HHAT: variants seen among roughly 807,000 people sequenced by gnomAD.
HHAT encodes the protein protein-cysteine N-palmitoyltransferase HHAT.
HHAT carries 47 observed loss-of-function variants against 70.8 expected under a neutral mutation model. The observed-to-expected ratio is 0.66, with a 90% CI of 0.53 to 0.85. The LOEUF (loss-of-function observed/expected upper bound fraction) is 0.85, where lower values mean the gene tolerates loss of function less well. Ranked by LOEUF, HHAT falls within the 40% of genes least tolerant of loss-of-function variation. The pLI is 0.00. For synonymous variants in HHAT, 228 were observed against 247.6 expected (o/e 0.92, Z 0.74); for missense variants, 609 against 604.8 (o/e 1.01, Z -0.07).
chr1:210,486,851 A>G (rs2473621), intron 8 of HHAT, among the ~76,000 whole-genome samples: 48,358 of 151,948 alleles, frequency 0.32, 7,923 homozygotes, highest in South Asian at 0.45. Flanking sequence ...TCTCCCCTCC[A>G]TCATTAAATC....
chr1:210,510,324 T>C (rs1316519126), intron 8 of HHAT, among the ~76,000 whole-genome samples: 2 of 152,154 alleles, frequency 1.3e-5, no homozygotes, highest in Non-Finnish European at 2.9e-5. Flanking sequence ...CTAGGTTGAA[T>C]GAGAATGATG....
At chr1:210,623,973 T>A (rs951691968) in intron 11 of HHAT, among the ~76,000 whole-genome samples, 4 of 152,198 alleles carry the variant, frequency 2.6e-5, no homozygotes, top group Admixed American at 1.3e-4. Context: ...TATTTGATAT[T>A]TCTTAATCTT....
chr1:210,501,479 G>A (rs2094752699), intron 8 of HHAT, among the ~76,000 whole-genome samples: 1 of 152,222 alleles, frequency 6.6e-6, no homozygotes, highest in Non-Finnish European at 1.5e-5. Context: ...AAAACTCATA[G>A]AGGGGTGGTG....
intron 10 of HHAT, among the ~76,000 whole-genome samples, chr1:210,616,377 A>T (rs1044845604): frequency 1.3e-5 from 2 of 150,998 alleles, no homozygotes; most frequent in African/African-American, 4.9e-5. Flanking sequence ...ATTTTTATGC[A>T]GATATTTTAT....
intron 9 of HHAT, among the ~76,000 whole-genome samples, chr1:210,566,984 T>C (rs1165275529): frequency 2.0e-5 from 3 of 152,180 alleles, no homozygotes; most frequent in East Asian, 3.9e-4. Context: ...AGTCGCAGCC[T>C]CCCACCCCTT....
chr1:210,374,085 A>G (rs1192607640), intron 3 of HHAT: 3 of 152,206 alleles, frequency 2.0e-5, no homozygotes, highest in Non-Finnish European at 2.9e-5. Context: ...AACAGTGACA[A>G]TGAATCACTT....
At chr1:210,435,418 C>G (rs1030512866) in intron 7 of HHAT, among the ~76,000 whole-genome samples, 9 of 151,808 alleles carry the variant, frequency 5.9e-5, no homozygotes, top group African/African-American at 2.2e-4. Context: ...GTGAATAATG[C>G]TGCAATAAAC....
intron 9 of HHAT, among the ~76,000 whole-genome samples, chr1:210,570,497 G>A (rs1384054145): frequency 1.3e-5 from 2 of 152,278 alleles, no homozygotes; most frequent in South Asian, 2.1e-4. Context: ...GAAAGAACAC[G>A]GAGGACTCTG....
At chr1:210,607,080 C>T (rs1665604012) in intron 10 of HHAT, among the ~76,000 whole-genome samples, 1 of 152,134 alleles carries the variant, frequency 6.6e-6, no homozygotes. Context: ...GTTTATTACC[C>T]AGATTTTTAA....
At chr1:210,614,670 T>G (rs1667306060) in intron 10 of HHAT, among the ~76,000 whole-genome samples, 1 of 152,208 alleles carries the variant, frequency 6.6e-6, no homozygotes, top group African/African-American at 2.4e-5. Flanking sequence ...TGTTTGGTTT[T>G]TTGTCCTTGT....
At chr1:210,656,822 C>T (rs61827448) in intron 11 of HHAT, among the ~76,000 whole-genome samples, 7,314 of 152,278 alleles carry the variant, frequency 0.048, 271 homozygotes, top group Non-Finnish European at 0.075. Context: ...TGTGATGCCT[C>T]TTCCTGGTGC....
chr1:210,434,723 T>C (rs2093335764), intron 7 of HHAT, among the ~76,000 whole-genome samples: 1 of 151,770 alleles, frequency 6.6e-6, no homozygotes, highest in Admixed American at 6.6e-5. Context: ...GACACCTTTA[T>C]ATTAAATAGA....
intron 11 of HHAT, among the ~76,000 whole-genome samples, chr1:210,647,992 C>A (rs533225442): frequency 6.6e-6 from 1 of 152,172 alleles, no homozygotes; most frequent in Non-Finnish European, 1.5e-5. Context: ...CTACTGACAG[C>A]TTTCAAGCCC....
intron 11 of HHAT, among the ~76,000 whole-genome samples, chr1:210,631,520 A>C (rs1670869477): frequency 6.6e-6 from 1 of 152,232 alleles, no homozygotes; most frequent in African/African-American, 2.4e-5. Context: ...TTACTCTGAC[A>C]TTGCATTAGA....
At chr1:210,334,085 C>G (rs995856049) in intron 1 of HHAT, among the ~76,000 whole-genome samples, 1 of 151,582 alleles carries the variant, frequency 6.6e-6, no homozygotes, top group East Asian at 1.9e-4. Flanking sequence ...CTATGGACAC[C>G]TTGGGAGTGG....
chr1:210,390,682 C>T (rs1049743091), intron 4 of HHAT, among the ~76,000 whole-genome samples: 1 of 152,146 alleles, frequency 6.6e-6, no homozygotes, highest in Non-Finnish European at 1.5e-5. Context: ...GCCCCAAAGT[C>T]CATTATACAT....
intron 2 of HHAT, among the ~76,000 whole-genome samples, chr1:210,359,635 G>A (rs1011478169): frequency 6.6e-6 from 1 of 152,066 alleles, no homozygotes; most frequent in Non-Finnish European, 1.5e-5. Context: ...AAAAACCCCA[G>A]TCTCACAAGG....
At chr1:210,401,329 G>A (rs2092063397) in intron 5 of HHAT, among the ~76,000 whole-genome samples, 1 of 152,158 alleles carries the variant, frequency 6.6e-6, no homozygotes, top group South Asian at 2.1e-4. Context: ...GGCCGGGCTG[G>A]CCTCAAACTC....
intron 3 of HHAT, among the ~76,000 whole-genome samples, chr1:210,385,263 T>TC (rs981884316): frequency 6.7e-6 from 1 of 149,306 alleles, no homozygotes; most frequent in African/African-American, 2.4e-5. Flanking sequence ...TTTTTTTTTT[T>TC]TTTTCTTTTT....
Sources: gnomAD v4.1 joint callset for allele counts (sites outside exome capture counted in the v4.1 genomes callset) on GRCh38, gnomAD v4.1.1 for gene constraint, MANE v1.5 for transcripts, NCBI Gene and HGNC (gene_info 2026-07-23, HGNC 2026-07-21) for gene names.